CR1: variants seen among roughly 807,000 people sequenced by gnomAD.
CR1 encodes the protein complement C3b/C4b receptor 1 (Knops blood group).
Under a neutral mutation model 187.3 loss-of-function variants are expected in CR1, and 116 were observed. The observed-to-expected ratio is 0.62, with a 90% confidence interval of 0.53 to 0.72. The LOEUF (loss-of-function observed/expected upper bound fraction) is 0.72, where lower values mean the gene tolerates loss of function less well. Among genes scored for constraint, CR1 ranks in the 30% least tolerant of loss-of-function variants. The pLI, the probability that CR1 is intolerant of heterozygous loss-of-function variation, is 0.00. For synonymous variants in CR1, 576 were observed against 747.1 expected, an observed-to-expected ratio of 0.77 and a Z score of 3.73; for missense variants, 1,731 against 2,110.7, an observed-to-expected ratio of 0.82 and a Z score of 3.52.
At chr1:207,636,703 A>T (rs1662825598) in intron 46 of CR1, among the ~76,000 whole-genome samples, 1 of 152,240 alleles carries the variant, frequency 6.6e-6, no homozygotes, top group African/African-American at 2.4e-5. Context: ...TAATCCCATA[A>T]TCACTGTAAT....
intron 28 of CR1, among the ~76,000 whole-genome samples, chr1:207,577,067 A>G (rs1453873880): frequency 6.6e-6 from 1 of 152,144 alleles, no homozygotes; most frequent in African/African-American, 2.4e-5. Context: ...CCTGGCCAAC[A>G]TGGTGAAACC....
intron 43 of CR1, 51 bp downstream of exon 43, chr1:207,620,116 C>T (rs958675674): frequency 1.9e-6 from 3 of 1,543,728 alleles, no homozygotes; most frequent in Non-Finnish European, 2.6e-6. Flanking sequence ...GGTTATTGCT[C>T]ATTCATTCAT....
intron 35 of CR1, among the ~76,000 whole-genome samples, chr1:207,599,719 A>G (rs1661549851): frequency 6.6e-6 from 1 of 152,236 alleles, no homozygotes; most frequent in Non-Finnish European, 1.5e-5. Flanking sequence ...AATAATTTGC[A>G]GAAAAGCATA....
chr1:207,619,893 C>G lies in CR1; in HGVS notation c.7080C>G (p.Ser2360Arg). The G allele has an allele frequency of 6.3e-7, 1 of 1,585,692 alleles. No individual in the cohort carries two copies. Among genetic ancestry groups the G allele is most frequent in the Non-Finnish European group, 8.6e-7 (1 of 1,165,444 alleles). ...LDHYCKEVNC[S>R]FPLFMNGISK... ...GTCTAATTTCAGAAGTAAATTGTAGCTTCCCACTGTTTATGAATGGAATCT... is the reference window on the plus strand; with the variant it reads ...GTCTAATTTCAGAAGTAAATTGTAGGTTCCCACTGTTTATGAATGGAATCT... Residue 2360 changes from serine (S) to arginine (R), a missense_variant, in exon 43 of 47, where the codon AGC (serine) becomes AGG (arginine). Transcript: ENST00000367049.
intron 23 of CR1, 134 bp downstream of exon 23, chr1:207,564,368 A>G: frequency 8.5e-7 from 1 of 1,182,502 alleles, no homozygotes; most frequent in Non-Finnish European, 1.2e-6. Flanking sequence ...GAACTTTCGA[A>G]AGTATACCTA....
At chr1:207,513,590 A>G (rs1177495195) in intron 4 of CR1, among the ~76,000 whole-genome samples, 1 of 152,232 alleles carries the variant, frequency 6.6e-6, no homozygotes, top group Non-Finnish European at 1.5e-5. Flanking sequence ...CTATAACCCT[A>G]GTCCAGAACC....
At chr1:207,499,367 T>C (rs927777731) in intron 1 of CR1, among the ~76,000 whole-genome samples, 41 of 152,180 alleles carry the variant, frequency 2.7e-4, no homozygotes, top group African/African-American at 9.4e-4. Context: ...GCAAAACCCA[T>C]AGAACTGCAA....
rs766100604 is a variant in CR1 at position 207,506,036 on chromosome 1, T to C, written c.254T>C (p.Ile85Thr). The change falls in exon 2 of 47, where the codon ATC becomes ACC. Residue 85 changes from isoleucine (I) to threonine (T), a missense_variant. Ile to Thr is a moderately conservative substitution (Grantham distance 89, BLOSUM62 -1). Around this residue, in one of 5 missense-constraint regions of CR1, gnomAD observed 237 missense variants for 240.4 expected, o/e 0.99. Coordinates refer to ENST00000367049, the MANE Select transcript of CR1 (RefSeq NM_000651.6). Reference protein sequence around the residue: ...PGYSGRPFSIICLKNSVWTGA... With the variant: ...PGYSGRPFSITCLKNSVWTGA... ...TATTCCGGAAGACCGTTTTCTATCA[T>C]CTGCCTAAAAAACTCAGTCTGGACT... 1.2e-6 allele frequency: 2 copies of C among 1,613,968 alleles called. No individual in the cohort carries two copies. Among genetic ancestry groups the C allele is most frequent in the African/African-American group, 1.3e-5 (1 of 75,040 alleles).
At chr1:207,629,924 C>A (rs1165217086) in intron 45 of CR1, among the ~76,000 whole-genome samples, 1 of 152,192 alleles carries the variant, frequency 6.6e-6, no homozygotes, top group Non-Finnish European at 1.5e-5. Context: ...TAGTTCCTAC[C>A]TTACTTAACA....
chr1:207,609,224 A>T, intron 36 of CR1, 66 bp from the exon 37 acceptor site: 1 of 1,360,628 alleles, frequency 7.3e-7, no homozygotes, highest in Non-Finnish European at 9.9e-7. Context: ...TTTGGTATTT[A>T]AATTCATAGT....
intron 31 of CR1, among the ~76,000 whole-genome samples, chr1:207,581,194 ACG>A: frequency 1.3e-5 from 2 of 150,330 alleles, no homozygotes; most frequent in South Asian, 4.2e-4. Flanking sequence ...ATACATGGAC[ACG>A]TATATGTAGA....
At position 207,523,807 on chromosome 1, in the gene CR1, C is replaced by T. The variant is rs200445052; in HGVS notation, c.684C>T (p.Pro228=). ...NDDQVGIWSG[P]APQCIIPNKC... ...ATCAAGTGGGCATCTGGAGCGGCCC[C>T]GCCCCTCAGTGCATTATACCTAACA... Residue 228 remains proline (P), a synonymous_variant, in exon 5 of 47, where the codon CCC becomes CCT. Coordinates refer to ENST00000367049, the MANE Select transcript of CR1 (RefSeq NM_000651.6). The T allele has an allele frequency of 3.5e-5, 57 of 1,611,444 alleles. No individual in the cohort carries two copies. Among genetic ancestry groups the T allele is most frequent in the Middle Eastern group, 2.2e-4 (1 of 4,456 alleles).
chr1:207,584,419 T>G (rs1661048213), intron 32 of CR1, among the ~76,000 whole-genome samples: 1 of 152,200 alleles, frequency 6.6e-6, no homozygotes, highest in Non-Finnish European at 1.5e-5. Context: ...TCTGAAAAAT[T>G]TAGGATGCTT....
chr1:207,566,182 A>G (rs1660490162), intron 24 of CR1, among the ~76,000 whole-genome samples: 1 of 150,228 alleles, frequency 6.7e-6, no homozygotes, highest in South Asian at 2.1e-4. Context: ...GTCAGGAGAG[A>G]TTAGATAATG....
intron 41 of CR1, among the ~76,000 whole-genome samples, chr1:207,617,539 A>G (rs75898599): frequency 0.054 from 2,035 of 37,594 alleles, no homozygotes; most frequent in Middle Eastern, 0.1. Context: ...GTGTGTGTGT[A>G]TGTGTGTATA....
At chr1:207,519,753 G>GA (rs1457847553) in intron 4 of CR1, among the ~76,000 whole-genome samples, 1 of 152,190 alleles carries the variant, frequency 6.6e-6, no homozygotes, top group African/African-American at 2.4e-5. Context: ...TGCAATGGGG[G>GA]AAGAGGATTT....
intron 36 of CR1, 104 bp from the exon 37 acceptor site, chr1:207,609,186 C>T: frequency 8.8e-7 from 1 of 1,141,952 alleles, no homozygotes; most frequent in Non-Finnish European, 1.2e-6. Context: ...ATTGTAATTC[C>T]ATTTAGAAAA....
intron 37 of CR1, among the ~76,000 whole-genome samples, 163 bp from the exon 38 acceptor site, chr1:207,611,514 C>T (rs1445034424): frequency 6.6e-6 from 1 of 152,174 alleles, no homozygotes; most frequent in East Asian, 1.9e-4. Context: ...TGCTTGGTTT[C>T]CTTAGCTTCC....
chr1:207,629,372 C>T (rs1662578012), intron 45 of CR1, among the ~76,000 whole-genome samples: 1 of 152,066 alleles, frequency 6.6e-6, no homozygotes, highest in African/African-American at 2.4e-5. Flanking sequence ...ATCATATTCT[C>T]CAAAACCCCA....
Sources: allele counts gnomAD v4.1 joint callset (sites outside exome capture counted in the v4.1 genomes callset), GRCh38; gene constraint gnomAD v4.1.1; regional missense constraint gnomAD v4.1.1; transcripts MANE v1.5; gene names NCBI Gene and HGNC (gene_info 2026-07-23, HGNC 2026-07-21).